The following PATJ variants were observed in gnomAD, a reference collection of about 807,000 sequenced individuals.
PATJ encodes PATJ crumbs cell polarity complex component.
In PATJ, 190 loss-of-function variants were observed where a neutral mutation model predicts 224.9. That is an observed-to-expected ratio of 0.84 (90% confidence interval 0.75 to 0.95). The LOEUF is 0.95. Among genes scored for constraint, PATJ ranks in the 40% least tolerant of loss-of-function variants. PATJ has a pLI of 0.00. For missense variants in PATJ, 2,121 were observed against 2,270.3 expected (o/e 0.93, Z 1.34); for synonymous variants, 769 against 820.3 (o/e 0.94, Z 1.07).
At chr1:61,992,349 C>T (rs932774682) in intron 28 of PATJ, among the ~76,000 whole-genome samples, 3 of 152,078 alleles carry the variant, frequency 2.0e-5, no homozygotes, top group African/African-American at 7.2e-5. Context: ...AACTCCCGAC[C>T]TCGGGTAATC....
At chr1:62,125,498 G>A (rs1057156102) in intron 39 of PATJ, among the ~76,000 whole-genome samples, 6 of 151,902 alleles carry the variant, frequency 3.9e-5, no homozygotes, top group Non-Finnish European at 5.9e-5. Context: ...ATTTGTTCCC[G>A]GTATTTTTCC....
Position 61,787,739 on chromosome 1 carries a change from G to A in PATJ, c.850-15G>A, listed in dbSNP as rs1648862023. On this transcript the variant is annotated splice_polypyrimidine_tract_variant and intron_variant, in intron 7 of 43. Transcript: ENST00000642238. ...AGCATTTATTTCTCAAAATAATTTT[G>A]TCTTTTTCTTGAAGGATGGAAGACT... is the stretch of plus-strand genomic sequence containing the variant. The A allele has an allele frequency of 6.3e-7, 1 of 1,582,594 alleles. No individual in the cohort carries two copies. Among genetic ancestry groups the A allele is most frequent in the South Asian group, 1.1e-5 (1 of 90,338 alleles).
intron 29 of PATJ, among the ~76,000 whole-genome samples, chr1:62,031,040 T>C (rs1162582886): frequency 6.6e-6 from 1 of 152,220 alleles, no homozygotes; most frequent in African/African-American, 2.4e-5. Flanking sequence ...GACACAGTTA[T>C]GCTTCAGTAA....
At chr1:62,114,613 A>T (rs1050914739) in intron 35 of PATJ, 4 of 177,938 alleles carry the variant, frequency 2.2e-5, no homozygotes, top group African/African-American at 7.2e-5. Flanking sequence ...GGTCAAGAAC[A>T]TTGCTTCGAC....
At chr1:61,855,916 C>T in intron 17 of PATJ, 114 bp from the exon 18 acceptor site, 1 of 725,190 alleles carries the variant, frequency 1.4e-6, no homozygotes, top group Non-Finnish European at 2.4e-6. Context: ...ACCAGAGTGC[C>T]AGACACATGA....
chr1:61,964,783 A>G (rs1159035393), intron 27 of PATJ, among the ~76,000 whole-genome samples: 2 of 151,982 alleles, frequency 1.3e-5, no homozygotes, highest in Non-Finnish European at 2.9e-5. Context: ...GCAAGGCCTC[A>G]ACTCTTAAAA....
At chr1:61,952,120 A>G (rs1383628926) in intron 27 of PATJ, 5 of 431,270 alleles carry the variant, frequency 1.2e-5, no homozygotes, top group Admixed American at 3.7e-5. Flanking sequence ...CTTCTCCGGC[A>G]TAGTTTTCCA....
At chr1:62,147,796 TAAAAA>T (rs34657838) in intron 41 of PATJ, among the ~76,000 whole-genome samples, 1 of 128,462 alleles carries the variant, frequency 7.8e-6, no homozygotes, top group South Asian at 2.5e-4. Context: ...AGACTCCGAC[TAAAAA>T]AAAAAAAAAA....
chr1:61,787,649 C>A, intron 7 of PATJ, 105 bp from the exon 8 acceptor site: 1 of 795,278 alleles, frequency 1.3e-6, no homozygotes, highest in Non-Finnish European at 2.1e-6. Flanking sequence ...TTTTAGGTGG[C>A]TTCTTTGTCA....
chr1:61,857,773 A>G (rs747216555), intron 18 of PATJ, among the ~76,000 whole-genome samples: 18 of 152,230 alleles, frequency 1.2e-4, no homozygotes, highest in African/African-American at 3.4e-4. Context: ...TGGGTCACCT[A>G]TGTAATTCTG....
At chr1:61,898,792 CT>C (rs770664784) in intron 22 of PATJ, among the ~76,000 whole-genome samples, 1 of 152,076 alleles carries the variant, frequency 6.6e-6, no homozygotes. Context: ...TTCAGCAGTT[CT>C]TTTTTTATTC....
In PATJ at chr1:61,856,140, T is replaced by A. The variant is rs775534037; in HGVS notation, c.2223T>A (p.Asn741Lys). ...CTGGAGACCGCCTGGTCTCAGTCAATGAATACTGTTTGGACAACACCTCAC... is the reference window on the plus strand; with the variant it reads ...CTGGAGACCGCCTGGTCTCAGTCAAAGAATACTGTTTGGACAACACCTCAC... ...LLPGDRLVSV[N>K]EYCLDNTSLA... Residue 741 changes from asparagine (N) to lysine (K), a missense_variant, in exon 18 of 44, where the codon AAT (asparagine) becomes AAA (lysine). Coordinates refer to ENST00000642238, the MANE Select transcript of PATJ (RefSeq NM_001350145.3). 20 of 1,614,070 alleles carry A rather than the reference T, an allele frequency of 1.2e-5. No individual in the cohort carries two copies. The highest frequency in any genetic ancestry group is 3.3e-5 in the South Asian group (3 of 91,088).
At chr1:61,796,676 TTCTTTCTTTC>T (rs1353686144) in intron 10 of PATJ, among the ~76,000 whole-genome samples, 2 of 24,838 alleles carry the variant, frequency 8.1e-5, no homozygotes, top group Non-Finnish European at 1.1e-4. Flanking sequence ...CTTTCTTTCT[TTCTTTCTTTC>T]TTTCTTTCTT....
chr1:61,870,234 G>C (rs1002604924), intron 20 of PATJ, among the ~76,000 whole-genome samples: 1 of 152,166 alleles, frequency 6.6e-6, no homozygotes, highest in Admixed American at 6.5e-5. Flanking sequence ...CTGCAAAGGA[G>C]ATGGGGAGGT....
intron 8 of PATJ, among the ~76,000 whole-genome samples, chr1:61,788,707 T>C (rs1429780609): frequency 6.6e-6 from 1 of 152,182 alleles, no homozygotes; most frequent in African/African-American, 2.4e-5. Flanking sequence ...GGAGTTTTGC[T>C]CTTGTTGCCC....
chr1:61,932,630 G>T (rs748513902), intron 27 of PATJ, among the ~76,000 whole-genome samples: 1 of 152,106 alleles, frequency 6.6e-6, no homozygotes, highest in East Asian at 1.9e-4. Flanking sequence ...CGGGACGCAG[G>T]GGCTCACCCC....
chr1:62,034,442 CAAAAAAAAAAAA>C (rs58542108), intron 29 of PATJ, among the ~76,000 whole-genome samples: 2 of 100,230 alleles, frequency 2.0e-5, no homozygotes, highest in Admixed American at 1.1e-4. Context: ...GACTCTGTCT[CAAAAAAAAAAAA>C]AAAAAAAAGC....
intron 20 of PATJ, 135 bp from the exon 21 acceptor site, chr1:61,875,108 G>T (rs540070991): frequency 1.1e-3 from 588 of 556,476 alleles, no homozygotes; most frequent in Non-Finnish European, 1.6e-3. Flanking sequence ...GCTTACCACA[G>T]TATAAACCAT....
At chr1:61,790,613 A>G (rs1649643884) in intron 8 of PATJ, among the ~76,000 whole-genome samples, 1 of 148,150 alleles carries the variant, frequency 6.7e-6, no homozygotes, top group African/African-American at 2.5e-5. Context: ...TCCTGGGTTC[A>G]AGCGATTCTC....
Sources: allele counts gnomAD v4.1 joint callset (sites outside exome capture counted in the v4.1 genomes callset), GRCh38; gene constraint gnomAD v4.1.1; transcripts MANE v1.5; gene names NCBI Gene and HGNC (gene_info 2026-07-23, HGNC 2026-07-21).